Variants in LRRN4 observed in about 807,000 individuals in gnomAD.
LRRN4 encodes the protein leucine rich repeat neuronal 4, also known as leucine-rich repeat neuronal protein 4.
In LRRN4, 26 loss-of-function variants were observed where a neutral mutation model predicts 22.3. The observed-to-expected ratio is 1.16, with a 90% CI of 0.85 to 1.62. The LOEUF (loss-of-function observed/expected upper bound fraction) is 1.62, where lower values mean the gene tolerates loss of function less well. Among genes scored for constraint, LRRN4 ranks in the 40% most tolerant of loss-of-function variants. The pLI, the probability that LRRN4 is intolerant of heterozygous loss-of-function variation, is 0.00. For synonymous variants in LRRN4, 496 were observed against 486.2 expected (o/e 1.02, Z -0.26); for missense variants, 1,070 against 1,008.5 (o/e 1.06, Z -0.83).
chr20:6,045,772 G>A lies in LRRN4; in HGVS notation c.861-1092C>T, dbSNP rs547409301. Among the ~76,000 whole-genome samples the A allele has an allele frequency of 2.0e-5, 3 of 149,220 alleles. 1 individual carries two copies. Among genetic ancestry groups the A allele is most frequent in the African/African-American group, 2.4e-5 (1 of 41,128 alleles). On this transcript the variant is annotated intron_variant, in intron 3 of 4. Coordinates refer to ENST00000378858, the MANE Select transcript of LRRN4 (RefSeq NM_152611.5). ...GCTCAGCTGGGGCCAGATGATCTGGGATGGCCTCATGTGTAAGCCTCAACT... is the reference window on the plus strand; with the variant it reads ...GCTCAGCTGGGGCCAGATGATCTGGAATGGCCTCATGTGTAAGCCTCAACT...
chr20:6,049,841 C>T (rs747495870), intron 3 of LRRN4, among the ~76,000 whole-genome samples: 2 of 151,608 alleles, frequency 1.3e-5, no homozygotes, highest in African/African-American at 2.4e-5. Context: ...TCACTATCCT[C>T]GCATTATAAT....
intron 1 of LRRN4, among the ~76,000 whole-genome samples, 160 bp downstream of exon 1, chr20:6,053,670 A>G (rs563268872): frequency 2.4e-4 from 37 of 152,290 alleles, no homozygotes; most frequent in Admixed American, 1.4e-3. Flanking sequence ...GCAGATGTGT[A>G]TTCCTGCCCC....
intron 3 of LRRN4, among the ~76,000 whole-genome samples, chr20:6,047,459 C>T (rs927799031): frequency 4.6e-5 from 7 of 150,734 alleles, no homozygotes; most frequent in African/African-American, 1.5e-4. Context: ...CACACACACA[C>T]ACACACACAG....
chr20:6,047,428 A>T (rs1262199185), intron 3 of LRRN4, among the ~76,000 whole-genome samples: 8 of 45,574 alleles, frequency 1.8e-4, no homozygotes, highest in African/African-American at 6.0e-4. Context: ...ACACACATAC[A>T]CACACACACA....
rs1173403478 is a variant in LRRN4 at position 6,041,860 on chromosome 20, G to A, written c.1385C>T (p.Ala462Val). ...ATCAGGCTCAAGGACAAGCTCGGGG[G>A]CATGTTCTCCTCGGTGCTGGGTCCT... Reference protein sequence around the residue: ...TTRTQHRGEHAPELVLEPDIS... With the variant: ...TTRTQHRGEHVPELVLEPDIS... Residue 462 changes from alanine to valine, a missense_variant, in exon 5 of 5, where the codon GCC (alanine) becomes GTC (valine). Physicochemically the swap from Ala to Val is moderately conservative, Grantham distance 64. Transcript: ENST00000378858. This position sits in a 1 kb window ranked among gnomAD's most constrained non-coding sequence, Gnocchi z 9.4. 5 of 1,614,090 alleles carry A rather than the reference G, an allele frequency of 3.1e-6. No homozygotes were observed. Among genetic ancestry groups the A allele is most frequent in the Non-Finnish European group, 4.2e-6 (5 of 1,180,046 alleles).
At position 6,052,194 on chromosome 20, in the gene LRRN4, G is replaced by C. The variant is rs957152086; in HGVS notation, c.606C>G (p.Pro202=). 8.1e-6 allele frequency: 13 copies of C among 1,596,768 alleles called. No homozygotes were observed. In the African/African-American group the frequency reaches 1.5e-4, roughly 18 times the overall value. ...GATCCAGGACTTCGAGCGTGACCAG[G>C]GGCGCGCCATCCTCTCCAGCGAACG... is the stretch of plus-strand genomic sequence containing the variant. The part of the protein sequence containing the change: ...EAAFAGEDGA[P]LVTLEVLDLS... Residue 202 remains proline (P), a synonymous_variant, in exon 2 of 5, where the codon CCC becomes CCG. Transcript: ENST00000378858.
chr20:6,044,588 T>G lies in LRRN4; in HGVS notation c.953A>C (p.Asp318Ala). ...LFGNPLTCSC[D>A]LSWLLTDAKR... ...TGCATCCGTGAGGAGCCAAGACAAG[T>G]CACAACTGCAAGTGAGGGGGTTGCC... The change falls in exon 4 of 5, where the codon GAC becomes GCC. Residue 318 changes from aspartate (D) to alanine (A), a missense_variant. Transcript: ENST00000378858. The G allele has an allele frequency of 6.3e-7, 1 of 1,593,832 alleles. No individual in the cohort carries two copies. The highest frequency in any genetic ancestry group is 8.5e-7 in the Non-Finnish European group (1 of 1,170,246).
Position 6,042,236 on chromosome 20 carries a change from T to C in LRRN4, c.1009A>G (p.Thr337Ala), listed in dbSNP as rs1310162523. 3.1e-6 allele frequency: 5 copies of C among 1,610,308 alleles called. No individual in the cohort carries two copies. Among genetic ancestry groups the C allele is most frequent in the Admixed American group, 1.7e-5 (1 of 59,844 alleles). Residue 337 changes from threonine to alanine, a missense_variant, in exon 5 of 5, where the codon ACT becomes GCT. By Grantham distance (58) the Thr-to-Ala change is moderately conservative. Transcript: ENST00000378858. ...KRTVLSRAAD[T>A]MCAPAAGSSG... ...GATCCCGCAGCTGGCGCGCACATAG[T>C]GTCTGCTGCCCTGGAGGGGAGGCCA...
intron 4 of LRRN4, among the ~76,000 whole-genome samples, chr20:6,043,823 C>T (rs930065660): frequency 7.9e-5 from 12 of 151,808 alleles, no homozygotes; most frequent in Admixed American, 2.0e-4. Flanking sequence ...GTAGGATGAT[C>T]GCTGAGCCCA....
At position 6,041,080 on chromosome 20, in the gene LRRN4, A is replaced by AC; in HGVS notation, c.2164dup (p.Val722GlyfsTer9). On this transcript the variant is annotated frameshift_variant, in exon 5 of 5. Transcript: ENST00000378858. LOFTEE classifies it low-confidence loss of function (END_TRUNC). This position sits in a 1 kb window ranked among gnomAD's most constrained non-coding sequence, Gnocchi z 9.4. ...ATCAAAGGCCGGGTTTTTGTAGGCC[A>AC]CCAGGTGCGTGTCGCAGCGCTGCAG... 1 of 1,613,872 alleles carries AC rather than the reference A, an allele frequency of 6.2e-7. No individual in the cohort carries two copies. Among genetic ancestry groups the AC allele is most frequent in the Non-Finnish European group, 8.5e-7 (1 of 1,179,978 alleles).
At chr20:6,044,163 C>T (rs1164516526) in intron 4 of LRRN4, among the ~76,000 whole-genome samples, 6 of 152,188 alleles carry the variant, frequency 3.9e-5, no homozygotes, top group African/African-American at 7.2e-5. Flanking sequence ...CTGGATAACC[C>T]GGGAGCAGGA....
At chr20:6,044,401 G>A in intron 4 of LRRN4, 142 bp downstream of exon 4, 2 of 805,120 alleles carry the variant, frequency 2.5e-6, no homozygotes, top group Non-Finnish European at 3.4e-6. Context: ...GGATCCCTGA[G>A]TATGACTACA....
Position 6,052,589 on chromosome 20 carries a change from C to G in LRRN4, c.211G>C (p.Gly71Arg). ...LANRNLERLP[G>R]CLPRTLRSLD... Reference sequence around the variant, plus strand: ...CTGCGCAGTGTGCGCGGTAGGCAGCCGGGCAGGCGCTCCAGGTTGCGGTTC... The same window carrying G: ...CTGCGCAGTGTGCGCGGTAGGCAGCGGGGCAGGCGCTCCAGGTTGCGGTTC... The change falls in exon 2 of 5, where the codon GGC (glycine) becomes CGC (arginine). Residue 71 changes from glycine (G) to arginine (R), a missense_variant. Physicochemically the swap from Gly to Arg is moderately radical, Grantham distance 125. Transcript: ENST00000378858. 1.3e-6 allele frequency: 2 copies of G among 1,584,172 alleles called. No homozygotes were observed. The highest frequency in any genetic ancestry group is 1.3e-5 in the African/African-American group (1 of 74,736).
At position 6,052,292 on chromosome 20, in the gene LRRN4, G is replaced by C; in HGVS notation, c.508C>G (p.Pro170Ala). 2.0e-6 allele frequency: 3 copies of C among 1,536,010 alleles called. No homozygotes were observed. The highest frequency in any genetic ancestry group is 2.6e-6 in the Non-Finnish European group (3 of 1,144,062). ...ALQPRAFACF[P>A]ALQLLNLSCT... ...GAGAGGTTGAGGAGCTGCAGCGCGGGGAAGCAGGCGAAGGCCCGGGGCTGC... is the reference window on the plus strand; with the variant it reads ...GAGAGGTTGAGGAGCTGCAGCGCGGCGAAGCAGGCGAAGGCCCGGGGCTGC... Residue 170 changes from proline to alanine, a missense_variant, in exon 2 of 5, where the codon CCC (proline) becomes GCC (alanine). Pro to Ala is a conservative substitution (Grantham distance 27, BLOSUM62 -1). Transcript: ENST00000378858.
At chr20:6,047,305 G>A (rs6107745) in intron 3 of LRRN4, among the ~76,000 whole-genome samples, 6,200 of 152,170 alleles carry the variant, frequency 0.041, 144 homozygotes, top group Admixed American at 0.065. Flanking sequence ...AATAGAAATT[G>A]CAGATACTTC....
chr20:6,052,687 C>A lies in LRRN4; in HGVS notation c.113G>T (p.Ser38Ile). The A allele has an allele frequency of 6.4e-7, 1 of 1,573,952 alleles. No individual in the cohort carries two copies. ...CGAGTCGGTGGCGTTGCTGCCACTG[C>A]TCCCCCAGGGGCCCTGCTGAGTGAC... Reference protein sequence around the residue: ...FRVTQQGPWGSSGSNATDSPC... With the variant: ...FRVTQQGPWGISGSNATDSPC... Residue 38 changes from serine to isoleucine, a missense_variant, in exon 2 of 5, where the codon AGC becomes ATC. Transcript: ENST00000378858.
chr20:6,052,633 G>T lies in LRRN4; in HGVS notation c.167C>A (p.Ala56Glu). The T allele has an allele frequency of 6.3e-7, 1 of 1,586,524 alleles. No individual in the cohort carries two copies. The highest frequency in any genetic ancestry group is 8.5e-7 in the Non-Finnish European group (1 of 1,173,948). The change falls in exon 2 of 5, where the codon GCG becomes GAG. Residue 56 changes from alanine to glutamate, a missense_variant. Coordinates refer to ENST00000378858, the MANE Select transcript of LRRN4 (RefSeq NM_152611.5). ...GCGGTTCGCCAGGGTCAAGGCCGTC[G>T]CATCCGCGGCGGGCAGCCCCTCGCA... ...SPCEGLPAADATALTLANRNL... is the reference protein window; with the variant it reads ...SPCEGLPAADETALTLANRNL...
Position 6,041,591 on chromosome 20 carries a change from A to T in LRRN4, c.1654T>A (p.Cys552Ser). Residue 552 changes from cysteine (C) to serine (S), a missense_variant, in exon 5 of 5, where the codon TGC becomes AGC. Physicochemically the swap from Cys to Ser is moderately radical, Grantham distance 112. Transcript: ENST00000378858. This position sits in a 1 kb window ranked among gnomAD's most constrained non-coding sequence, Gnocchi z 9.4. ...GCGCACGGGGTCTGCAGGTGCTTGC[A>T]GGGATGGTAATCACAGGGGACGTCC... ...HQDVPCDYHP[C>S]KHLQTPCAEL... is the part of the protein sequence containing the mutation. The T allele has an allele frequency of 6.4e-7, 1 of 1,567,664 alleles. No homozygotes were observed. The highest frequency in any genetic ancestry group is 8.7e-7 in the Non-Finnish European group (1 of 1,154,526).
rs1272378300 is a variant in LRRN4 at position 6,041,541 on chromosome 20, G to C, written c.1704C>G (p.Cys568Trp). Reference protein sequence around the residue: ...PCAELQRRWRCRCPGLSGEDT... With the variant: ...PCAELQRRWRWRCPGLSGEDT... ...CTTCCCCGCTGAGGCCGGGGCACCGGCACCGCCACCGCCTCTGCAGCTCCG... is the reference window on the plus strand; with the variant it reads ...CTTCCCCGCTGAGGCCGGGGCACCGCCACCGCCACCGCCTCTGCAGCTCCG... The change falls in exon 5 of 5, where the codon TGC becomes TGG. Residue 568 changes from cysteine (C) to tryptophan (W), a missense_variant. Cys to Trp is a radical substitution (Grantham distance 215). Transcript: ENST00000378858. The surrounding 1 kb of genome is among the most constrained non-coding windows in gnomAD (Gnocchi z 9.4). 6.4e-7 allele frequency: 1 copy of C among 1,551,018 alleles called. No individual in the cohort carries two copies. The highest frequency in any genetic ancestry group is 2.3e-5 in the East Asian group (1 of 44,310).
Sources: gnomAD v4.1 joint callset for allele counts (sites outside exome capture counted in the v4.1 genomes callset) on GRCh38, gnomAD v4.1.1 for gene constraint, Gnocchi (gnomAD v3.1) non-coding constraint, MANE v1.5 for transcripts, NCBI Gene and HGNC (gene_info 2026-07-23, HGNC 2026-07-21) for gene names.